MCF2L2: variants seen among roughly 807,000 people sequenced by gnomAD.
MCF2L2 encodes the protein MCF.2 cell line derived transforming sequence-like 2, also known as probable guanine nucleotide exchange factor MCF2L2.
In MCF2L2, 102 loss-of-function variants were observed where a neutral mutation model predicts 150.2. The observed-to-expected ratio is 0.68, with a 90% CI of 0.58 to 0.80. The LOEUF (loss-of-function observed/expected upper bound fraction) is 0.80. Among genes scored for constraint, MCF2L2 ranks in the 30% least tolerant of loss-of-function variants. The probability of loss-of-function intolerance (pLI) is 0.00; values close to 1 mark genes in which losing one functional copy is unlikely to be tolerated. For missense variants in MCF2L2, 1,256 were observed against 1,372.8 expected (o/e 0.91, Z 1.34); for synonymous variants, 465 against 491.3 (o/e 0.95, Z 0.71).
intron 25 of MCF2L2, among the ~76,000 whole-genome samples, chr3:183,196,846 G>C (rs1304187079): frequency 1.3e-5 from 2 of 152,056 alleles, no homozygotes; most frequent in East Asian, 3.9e-4. Flanking sequence ...TTCTTATCTA[G>C]ATTTTTGCAT....
chr3:183,324,116 G>C (rs1027053232), intron 5 of MCF2L2, among the ~76,000 whole-genome samples: 1 of 152,186 alleles, frequency 6.6e-6, no homozygotes, highest in Non-Finnish European at 1.5e-5. Flanking sequence ...GAAACACAAA[G>C]AGTATGCATT....
At chr3:183,208,945 G>A (rs1441422595) in intron 22 of MCF2L2, among the ~76,000 whole-genome samples, 1 of 152,188 alleles carries the variant, frequency 6.6e-6, no homozygotes, top group East Asian at 1.9e-4. Flanking sequence ...TGTCTATGGC[G>A]TTATTTCCTA....
At chr3:183,391,499 G>A (rs574873963) in intron 1 of MCF2L2, among the ~76,000 whole-genome samples, 2 of 152,040 alleles carry the variant, frequency 1.3e-5, no homozygotes, top group Non-Finnish European at 2.9e-5. Context: ...ATAAAAAGGG[G>A]GCCTTCTCTG....
At chr3:183,248,883 C>T (rs574357013) in intron 15 of MCF2L2, among the ~76,000 whole-genome samples, 60 of 152,246 alleles carry the variant, frequency 3.9e-4, no homozygotes, top group African/African-American at 1.4e-3. Context: ...TTTAGTTGTT[C>T]CATAAATATC....
chr3:183,325,173 C>A (rs1033860931), intron 5 of MCF2L2, among the ~76,000 whole-genome samples: 1 of 150,226 alleles, frequency 6.7e-6, no homozygotes, highest in Non-Finnish European at 1.5e-5. Flanking sequence ...TGCTAAATGA[C>A]GAGTTAATGG....
At chr3:183,255,451 C>T (rs1050110017) in intron 15 of MCF2L2, among the ~76,000 whole-genome samples, 3 of 152,204 alleles carry the variant, frequency 2.0e-5, no homozygotes, top group Non-Finnish European at 4.4e-5. Context: ...CCTGCTTGTC[C>T]TTCTCACTCT....
rs1729345327 is a variant in MCF2L2 at position 183,310,916 on chromosome 3, T to G, written c.992A>C (p.Lys331Thr). Residue 331 changes from lysine (K) to threonine (T), a missense_variant and splice_region_variant, in exon 9 of 30, where the codon AAG (lysine) becomes ACG (threonine). Physicochemically the swap from Lys to Thr is moderately conservative, Grantham distance 78. Coordinates refer to ENST00000328913, the MANE Select transcript of MCF2L2 (RefSeq NM_015078.4). ...QLQHFEHDFC[K>T]AKLALDNLLE... ...TTACAGTAAACAAGAAAAGAATACC[T>G]TACAAAAATCGTGCTCAAAATGCTG... 1.2e-6 allele frequency: 2 copies of G among 1,609,358 alleles called. No individual in the cohort carries two copies. The highest frequency in any genetic ancestry group is 1.7e-6 in the Non-Finnish European group (2 of 1,176,390).
intron 3 of MCF2L2, among the ~76,000 whole-genome samples, chr3:183,352,799 G>C (rs6808684): frequency 0.013 from 1,935 of 152,190 alleles, 45 homozygotes; most frequent in African/African-American, 0.044. Flanking sequence ...TATGAAAAAT[G>C]ACTGAACTAT....
At chr3:183,274,383 C>T (rs1474664163) in intron 15 of MCF2L2, among the ~76,000 whole-genome samples, 2 of 152,156 alleles carry the variant, frequency 1.3e-5, no homozygotes, top group Non-Finnish European at 2.9e-5. Context: ...GAAATACAGT[C>T]AATTTTAACC....
intron 14 of MCF2L2, among the ~76,000 whole-genome samples, chr3:183,285,101 T>C (rs1727714921): frequency 1.3e-5 from 2 of 152,218 alleles, no homozygotes; most frequent in African/African-American, 4.8e-5. Context: ...TATTCAACAA[T>C]AGGATAATTC....
intron 1 of MCF2L2, among the ~76,000 whole-genome samples, chr3:183,413,409 C>T (rs1213019061): frequency 6.6e-6 from 1 of 152,132 alleles, no homozygotes; most frequent in African/African-American, 2.4e-5. Flanking sequence ...GTCACCCCAA[C>T]CAGGCTGTTG....
chr3:183,273,693 T>C (rs1726982468), intron 15 of MCF2L2, among the ~76,000 whole-genome samples: 1 of 152,214 alleles, frequency 6.6e-6, no homozygotes, highest in Non-Finnish European at 1.5e-5. Context: ...TTTTATCTTT[T>C]ATTTCAGATT....
rs151216035 is a variant in MCF2L2 at position 183,382,155 on chromosome 3, T to A, written c.161-2744A>T. 8.5e-3 allele frequency among the ~76,000 whole-genome samples: 1,288 copies of A among 152,028 alleles called. 24 individuals are homozygous for A. Among genetic ancestry groups the A allele is most frequent in the African/African-American group, 0.03 (1,225 of 41,432 alleles). ...CTCACTGCAACCTCCGCCTCCCAGG[T>A]TCAAGCAATTATTGTGCCTCAGCCT... On this transcript the variant is annotated intron_variant, in intron 2 of 29. Coordinates refer to ENST00000328913, the MANE Select transcript of MCF2L2 (RefSeq NM_015078.4).
chr3:183,336,413 A>T (rs1560027713), intron 5 of MCF2L2, among the ~76,000 whole-genome samples: 1 of 152,174 alleles, frequency 6.6e-6, no homozygotes, highest in African/African-American at 2.4e-5. Flanking sequence ...AAGAATATAT[A>T]TTAGAAAATG....
At chr3:183,261,697 T>TC in intron 15 of MCF2L2, among the ~76,000 whole-genome samples, 1 of 152,170 alleles carries the variant, frequency 6.6e-6, no homozygotes, top group South Asian at 2.1e-4. Flanking sequence ...GTATTTTATT[T>TC]CCCCCGCAAG....
intron 13 of MCF2L2, among the ~76,000 whole-genome samples, chr3:183,294,559 G>A (rs1022078524): frequency 1.4e-5 from 2 of 148,040 alleles, no homozygotes; most frequent in African/African-American, 5.0e-5. Context: ...GTATGTGTGT[G>A]TGTGTGTGTG....
At chr3:183,254,343 C>G (rs1724821895) in intron 15 of MCF2L2, 1 of 151,896 alleles carries the variant, frequency 6.6e-6, no homozygotes, top group Non-Finnish European at 1.5e-5. Context: ...GTCGGGAAGC[C>G]GGGGAGGCCT....
intron 5 of MCF2L2, among the ~76,000 whole-genome samples, chr3:183,332,097 G>A (rs1416991946): frequency 6.6e-6 from 1 of 152,190 alleles, no homozygotes; most frequent in Non-Finnish European, 1.5e-5. Context: ...ACAAAGTAAA[G>A]TGCTAATATC....
At chr3:183,333,882 T>C (rs775104589) in intron 5 of MCF2L2, among the ~76,000 whole-genome samples, 3 of 147,924 alleles carry the variant, frequency 2.0e-5, no homozygotes, top group African/African-American at 5.0e-5. Flanking sequence ...TTAAGAGAAA[T>C]GGCCGGTAAC....
Sources: gnomAD v4.1 joint callset for allele counts (sites outside exome capture counted in the v4.1 genomes callset) on GRCh38, gnomAD v4.1.1 for gene constraint, MANE v1.5 for transcripts, NCBI Gene and HGNC (gene_info 2026-07-23, HGNC 2026-07-21) for gene names.